The following CREBRF variants were observed in gnomAD, a reference collection of about 807,000 sequenced individuals.
CREBRF encodes CREB3 regulatory factor, also known as UPF0474 protein C5orf41.
CREBRF carries 5 observed loss-of-function variants against 66.1 expected under a neutral mutation model. The ratio of observed to expected loss-of-function variants is 0.08; its 90% CI spans 0.04 to 0.16. The LOEUF is 0.16. Among genes scored for constraint, CREBRF ranks in the 10% least tolerant of loss-of-function variants. CREBRF has a pLI of 1.00. For synonymous variants in CREBRF, 229 were observed against 264.4 expected, an observed-to-expected ratio of 0.87 and a Z score of 1.30; for missense variants, 531 against 744.9, an observed-to-expected ratio of 0.71 and a Z score of 3.34.
At chr5:173,109,074 T>C (rs1758813096) in intron 5 of CREBRF, 1 of 366,264 alleles carries the variant, frequency 2.7e-6, no homozygotes, top group Non-Finnish European at 4.8e-6. Context: ...TTAATCTACC[T>C]ACCCCATTCA....
At chr5:173,095,715 ATCTT>A (rs979414847) in intron 4 of CREBRF, among the ~76,000 whole-genome samples, 5 of 151,834 alleles carry the variant, frequency 3.3e-5, no homozygotes, top group African/African-American at 1.2e-4. Context: ...AACATAGGAT[ATCTT>A]TCTATTTATT....
At chr5:173,068,603 C>T (rs1285599485) in intron 1 of CREBRF, among the ~76,000 whole-genome samples, 2 of 152,088 alleles carry the variant, frequency 1.3e-5, no homozygotes, top group African/African-American at 4.8e-5. Context: ...GACTAGTTTG[C>T]AGCTTTATGA....
At chr5:173,105,120 C>T (rs1758717411) in intron 4 of CREBRF, among the ~76,000 whole-genome samples, 1 of 152,032 alleles carries the variant, frequency 6.6e-6, no homozygotes, top group African/African-American at 2.4e-5. Context: ...TAACTAGGGA[C>T]AGTGATTTGC....
At chr5:173,104,033 A>G (rs977595148) in intron 4 of CREBRF, among the ~76,000 whole-genome samples, 2 of 152,216 alleles carry the variant, frequency 1.3e-5, no homozygotes, top group African/African-American at 4.8e-5. Context: ...AAAAATTTTG[A>G]GTGCCTACTT....
At chr5:173,085,823 T>A in intron 2 of CREBRF, 1 of 781,704 alleles carries the variant, frequency 1.3e-6, no homozygotes, top group Admixed American at 1.7e-5. Flanking sequence ...AGTGATAGGC[T>A]TCTGTTTGTT....
intron 1 of CREBRF, among the ~76,000 whole-genome samples, chr5:173,058,645 G>C (rs1301454693): frequency 6.6e-6 from 1 of 151,092 alleles, no homozygotes; most frequent in East Asian, 1.9e-4. Context: ...CATCACGCCC[G>C]GCTAATTTTT....
rs1266025494 is a variant in CREBRF, at chr5:173,115,532, A to G, written c.1681+3153A>G. Among the ~76,000 whole-genome samples, 4 of 152,306 alleles carry G rather than the reference A, an allele frequency of 2.6e-5. No individual in the cohort carries two copies. In the East Asian group the frequency reaches 5.8e-4, roughly 22 times the overall value. On this transcript the variant is annotated intron_variant, in intron 7 of 8. Transcript: ENST00000296953. ...GAGTAAGTAGTCTTCTCTTTCAATT[A>G]TTCATGGAGAAGAAACATAGATTTT...
intron 1 of CREBRF, among the ~76,000 whole-genome samples, chr5:173,070,361 C>G (rs11134772): frequency 0.029 from 4,489 of 152,190 alleles, 233 homozygotes; most frequent in African/African-American, 0.1. Context: ...TTGTACTGTT[C>G]TCTTTTTAAC....
Position 173,110,590 on chromosome 5 carries a change from C to G in CREBRF, c.1486C>G (p.Leu496Val). ...EDLTPNPKKL[L>V]QIGNELRKLN... Reference sequence around the variant, plus strand: ...CCTGACTCCAAATCCTAAAAAACTCCTCCAGATAGGCAATGAACTTCGGAA... The same window carrying G: ...CCTGACTCCAAATCCTAAAAAACTCGTCCAGATAGGCAATGAACTTCGGAA... Residue 496 changes from leucine to valine, a missense_variant, in exon 6 of 9, where the codon CTC (leucine) becomes GTC (valine). By Grantham distance (32) the Leu-to-Val change is conservative. Around this residue, in one of 5 missense-constraint regions of CREBRF, gnomAD observed 25 missense variants for 55.3 expected, o/e 0.45. Coordinates refer to ENST00000296953, the MANE Select transcript of CREBRF (RefSeq NM_153607.3). 1 of 1,613,932 alleles carries G rather than the reference C, an allele frequency of 6.2e-7. No individual in the cohort carries two copies. The highest frequency in any genetic ancestry group is 8.5e-7 in the Non-Finnish European group (1 of 1,179,864).
intron 1 of CREBRF, among the ~76,000 whole-genome samples, chr5:173,061,014 C>G (rs1757254117): frequency 6.6e-6 from 1 of 152,190 alleles, no homozygotes; most frequent in Non-Finnish European, 1.5e-5. Flanking sequence ...GTCCCCCCTG[C>G]TGGAGTGCAG....
rs200659735 is a variant in CREBRF, at chr5:173,122,569, T to TTTATTA, written c.1682-470_1682-465dup. 6.9e-3 allele frequency among the ~76,000 whole-genome samples: 908 copies of TTTATTA among 132,066 alleles called. 4 individuals are homozygous for TTTATTA. Among genetic ancestry groups the TTTATTA allele is most frequent in the East Asian group, 0.011 (51 of 4,626 alleles). 86.6% of individuals were successfully genotyped at this position (132,066 alleles called of 152,430 possible). On this transcript the variant is annotated intron_variant, in intron 7 of 8. Coordinates refer to ENST00000296953, the MANE Select transcript of CREBRF (RefSeq NM_153607.3). Reference sequence around the variant, plus strand: ...TTTGTTGGTGTCATCTATTATTTCTTTTATTATTATTATTATTATTATTAT... The same window carrying TTTATTA: ...TTTGTTGGTGTCATCTATTATTTCTTTTATTATTATTATTATTATTATTATTATTAT...
At chr5:173,088,013 T>C (rs182006220) in intron 3 of CREBRF, among the ~76,000 whole-genome samples, 63 of 151,450 alleles carry the variant, frequency 4.2e-4, no homozygotes, top group African/African-American at 1.4e-3. Context: ...TTAGTAGAGA[T>C]GGGGTTTCAC....
At chr5:173,092,507 A>G (rs764496640) in intron 4 of CREBRF, among the ~76,000 whole-genome samples, 1 of 152,230 alleles carries the variant, frequency 6.6e-6, no homozygotes, top group Non-Finnish European at 1.5e-5. Flanking sequence ...AAAATGCACA[A>G]AGAAGTAAAG....
At chr5:173,064,343 A>G (rs1757369792) in intron 1 of CREBRF, among the ~76,000 whole-genome samples, 1 of 152,154 alleles carries the variant, frequency 6.6e-6, no homozygotes, top group Non-Finnish European at 1.5e-5. Context: ...CAAGGCTTCT[A>G]GCATCCTAGT....
At chr5:173,085,706 C>T (rs567485914) in intron 2 of CREBRF, 47 of 738,846 alleles carry the variant, frequency 6.4e-5, no homozygotes, top group African/African-American at 2.4e-4. Flanking sequence ...CGTGAGCCAC[C>T]GCACCCGGCC....
In CREBRF at chr5:173,086,055, A is replaced by AT. The variant is rs1758135319; in HGVS notation, c.10-446_10-445insT. On this transcript the variant is annotated intron_variant, in intron 2 of 8. Coordinates refer to ENST00000296953, the MANE Select transcript of CREBRF (RefSeq NM_153607.3). The stretch of plus-strand genomic sequence containing the variant: ...TTTGCCCTGCAGTATCAAAAATCCA[A>AT]GAGTGTATGGTTCTCTACCAATCAT... 1.3e-5 allele frequency: 12 copies of AT among 955,776 alleles called. No homozygotes were observed. In the East Asian group the frequency reaches 2.9e-4, roughly 23 times the overall value. 59.2% of individuals were successfully genotyped at this position (955,776 alleles called of 1,614,324 possible). A position where few individuals can be genotyped will look rare whatever the true frequency, so the allele number is the denominator to read the frequency against.
intron 2 of CREBRF, 87 bp downstream of exon 2, chr5:173,080,871 A>G (rs777247029): frequency 8.1e-7 from 1 of 1,237,388 alleles, no homozygotes; most frequent in Non-Finnish European, 1.2e-6. Flanking sequence ...TCTTAACACA[A>G]CTTTGCATAC....
At chr5:173,094,969 A>G (rs1043909779) in intron 4 of CREBRF, among the ~76,000 whole-genome samples, 2 of 152,098 alleles carry the variant, frequency 1.3e-5, no homozygotes, top group Non-Finnish European at 2.9e-5. Flanking sequence ...ATGGTATGAG[A>G]TAAGGGTCTC....
chr5:173,102,908 T>G (rs1233600719), intron 4 of CREBRF, among the ~76,000 whole-genome samples: 2 of 152,180 alleles, frequency 1.3e-5, no homozygotes, highest in Non-Finnish European at 1.5e-5. Flanking sequence ...TTCTTTGACC[T>G]TTAACTCCAC....
Sources: gnomAD v4.1 joint callset for allele counts (sites outside exome capture counted in the v4.1 genomes callset) on GRCh38, gnomAD v4.1.1 for gene constraint, gnomAD v4.1.1 regional missense constraint, MANE v1.5 for transcripts, NCBI Gene and HGNC (gene_info 2026-07-23, HGNC 2026-07-21) for gene names.